IGF1R: variants seen among roughly 807,000 people sequenced by gnomAD.
The protein encoded by IGF1R is insulin-like growth factor 1 receptor.
In IGF1R, 44 loss-of-function variants were observed where a neutral mutation model predicts 144.6. The observed-to-expected ratio is 0.30, with a 90% CI of 0.24 to 0.39. IGF1R has a LOEUF of 0.39. Among genes scored for constraint, IGF1R ranks in the 10% least tolerant of loss-of-function variants. The probability of loss-of-function intolerance (pLI) is 1.00; values close to 1 mark genes in which losing one functional copy is unlikely to be tolerated. For missense variants in IGF1R, 1,355 were observed against 1,833.7 expected (o/e 0.74, Z 4.77); for synonymous variants, 795 against 722.8 (o/e 1.10, Z -1.60).
At chr15:98,726,712 ATTTTTT>A (rs756622481) in intron 2 of IGF1R, among the ~76,000 whole-genome samples, 4 of 93,108 alleles carry the variant, frequency 4.3e-5, no homozygotes, top group Non-Finnish European at 8.6e-5. Flanking sequence ...TACATTGATG[ATTTTTT>A]TTTTTTTTTT....
chr15:98,824,906 G>C (rs555397727), intron 2 of IGF1R, among the ~76,000 whole-genome samples: 82 of 150,770 alleles, frequency 5.4e-4, no homozygotes, highest in Middle Eastern at 3.4e-3. Context: ...GCACAATCTC[G>C]GCTCACTGCA....
chr15:98,757,418 C>T (rs2055181631), intron 2 of IGF1R, among the ~76,000 whole-genome samples: 1 of 152,156 alleles, frequency 6.6e-6, no homozygotes, highest in Non-Finnish European at 1.5e-5. Flanking sequence ...CCTGCCTTGG[C>T]CTCCCAAAGT....
chr15:98,823,199 T>C (rs1057373595), intron 2 of IGF1R, among the ~76,000 whole-genome samples: 10 of 152,282 alleles, frequency 6.6e-5, no homozygotes, highest in African/African-American at 2.4e-4. Flanking sequence ...TAAGATGTGC[T>C]GTTCCTCTCT....
At chr15:98,915,570 C>G (rs1486709688) in intron 8 of IGF1R, among the ~76,000 whole-genome samples, 1 of 152,186 alleles carries the variant, frequency 6.6e-6, no homozygotes, top group Admixed American at 6.5e-5. Flanking sequence ...TCCAAGTCAG[C>G]CTGTTTTACC....
chr15:98,852,001 ACTT>A (rs1596359395), intron 2 of IGF1R, among the ~76,000 whole-genome samples: 3 of 152,254 alleles, frequency 2.0e-5, no homozygotes, highest in African/African-American at 7.2e-5. Flanking sequence ...ATTTAAAACA[ACTT>A]CTGCAAAGAC....
At chr15:98,832,916 A>G (rs1304230426) in intron 2 of IGF1R, among the ~76,000 whole-genome samples, 2 of 152,198 alleles carry the variant, frequency 1.3e-5, no homozygotes, top group Non-Finnish European at 2.9e-5. Flanking sequence ...TAGAACCTAG[A>G]CAGTCTATGT....
rs371455469 is a variant in IGF1R, at chr15:98,691,358, G to T, written c.95-16204G>T. 1.4e-4 allele frequency among the ~76,000 whole-genome samples: 19 copies of T among 135,958 alleles called. No individual in the cohort carries two copies. The East Asian group carries it at 2.3e-3, about 16-fold the overall frequency. 89.2% of individuals were successfully genotyped at this position (135,958 alleles called of 152,430 possible). On this transcript the variant is annotated intron_variant, in intron 1 of 20. Transcript: ENST00000650285. ...CCCCTTAATTTGGAGTTGTCTCATG[G>T]TTTTTTTTGTTTTTTTTTTTTTTTG...
At chr15:98,777,036 G>A (rs1398745116) in intron 2 of IGF1R, among the ~76,000 whole-genome samples, 1 of 152,200 alleles carries the variant, frequency 6.6e-6, no homozygotes, top group East Asian at 1.9e-4. Flanking sequence ...CTTGGTTCTT[G>A]TTGCTGCTTT....
At chr15:98,843,376 G>A (rs943221038) in intron 2 of IGF1R, among the ~76,000 whole-genome samples, 1 of 152,088 alleles carries the variant, frequency 6.6e-6, no homozygotes, top group African/African-American at 2.4e-5. Flanking sequence ...GATACTGTGC[G>A]AGATACTGAG....
intron 2 of IGF1R, among the ~76,000 whole-genome samples, chr15:98,782,328 A>G (rs1373423004): frequency 6.6e-6 from 1 of 152,206 alleles, no homozygotes; most frequent in African/African-American, 2.4e-5. Context: ...CATGATTGAT[A>G]GAAATCTAAA....
At chr15:98,895,231 C>CACAG (rs1188217065) in intron 3 of IGF1R, among the ~76,000 whole-genome samples, 6 of 40,006 alleles carry the variant, frequency 1.5e-4, no homozygotes, top group African/African-American at 3.9e-4. Flanking sequence ...ACCACACACA[C>CACAG]ACACACACAC....
chr15:98,666,378 G>A (rs1464202085), intron 1 of IGF1R, among the ~76,000 whole-genome samples: 1 of 151,828 alleles, frequency 6.6e-6, no homozygotes, highest in African/African-American at 2.4e-5. Context: ...TCCACTTTGG[G>A]GTATATGCCC....
At chr15:98,878,083 C>A (rs558334163) in intron 2 of IGF1R, among the ~76,000 whole-genome samples, 20 of 152,330 alleles carry the variant, frequency 1.3e-4, no homozygotes, top group Admixed American at 8.5e-4. Flanking sequence ...GGCAGTGTAT[C>A]GGTAGCATTG....
intron 1 of IGF1R, among the ~76,000 whole-genome samples, chr15:98,661,837 A>G (rs1253777018): frequency 1.3e-5 from 2 of 151,880 alleles, no homozygotes; most frequent in African/African-American, 4.8e-5. Context: ...CATCCAATAA[A>G]TGGATGCTTT....
intron 19 of IGF1R, among the ~76,000 whole-genome samples, chr15:98,943,918 G>T (rs1031444181): frequency 6.6e-5 from 10 of 152,104 alleles, no homozygotes; most frequent in African/African-American, 2.2e-4. Flanking sequence ...CACAGTTCAG[G>T]GGCCTTGGAT....
chr15:98,804,133 A>G (rs925761698), intron 2 of IGF1R, among the ~76,000 whole-genome samples: 3 of 152,178 alleles, frequency 2.0e-5, no homozygotes, highest in African/African-American at 7.2e-5. Context: ...TCATGACTGT[A>G]TTTCTATTCC....
chr15:98,662,652 C>T (rs1227850723), intron 1 of IGF1R, among the ~76,000 whole-genome samples: 3 of 151,954 alleles, frequency 2.0e-5, no homozygotes, highest in Non-Finnish European at 4.4e-5. Context: ...GAGTTTAGTG[C>T]TAAGTTATGG....
At chr15:98,813,241 T>C (rs1177348980) in intron 2 of IGF1R, among the ~76,000 whole-genome samples, 1 of 152,122 alleles carries the variant, frequency 6.6e-6, no homozygotes, top group Non-Finnish European at 1.5e-5. Context: ...AATGCTCATA[T>C]GCAAAATAAC....
chr15:98,903,510 C>G (rs1479424366), intron 5 of IGF1R, among the ~76,000 whole-genome samples: 1 of 152,220 alleles, frequency 6.6e-6, no homozygotes, highest in Non-Finnish European at 1.5e-5. Context: ...TACACCAACC[C>G]TGTGACCTAG....
Sources: gnomAD v4.1 joint callset for allele counts (sites outside exome capture counted in the v4.1 genomes callset) on GRCh38, gnomAD v4.1.1 for gene constraint, MANE v1.5 for transcripts, NCBI Gene and HGNC (gene_info 2026-07-23, HGNC 2026-07-21) for gene names.